The following NCALD variants were observed in gnomAD, a reference collection of about 807,000 sequenced individuals.
NCALD encodes neurocalcin delta.
NCALD carries 10 observed loss-of-function variants against 18.6 expected under a neutral mutation model. The observed-to-expected ratio is 0.54, with a 90% CI of 0.33 to 0.91. The LOEUF is 0.91. NCALD is among the 40% of genes least tolerant of loss of function. The pLI, the probability that NCALD is intolerant of heterozygous loss-of-function variation, is 0.03. For synonymous variants in NCALD, 88 were observed against 87.4 expected, an observed-to-expected ratio of 1.01 and a Z score of -0.04; for missense variants, 184 against 247.6, an observed-to-expected ratio of 0.74 and a Z score of 1.72.
intron 3 of NCALD, among the ~76,000 whole-genome samples, chr8:101,893,890 C>T (rs527862643): frequency 8.9e-5 from 13 of 146,478 alleles, no homozygotes; most frequent in African/African-American, 2.7e-4. Context: ...TACAAAGAGA[C>T]GTAGACTCCC....
At chr8:102,102,382 C>T (rs959264906) in intron 1 of NCALD, among the ~76,000 whole-genome samples, 1 of 152,224 alleles carries the variant, frequency 6.6e-6, no homozygotes, top group Non-Finnish European at 1.5e-5. Context: ...TTGAGTTCCA[C>T]AGGGAGGAAA....
intron 2 of NCALD, among the ~76,000 whole-genome samples, chr8:101,964,958 T>C (rs1226936952): frequency 6.6e-6 from 1 of 152,038 alleles, no homozygotes; most frequent in African/African-American, 2.4e-5. Context: ...GCGAAGGATA[T>C]GAACAGACAC....
chr8:101,809,105 C>T (rs560393943), intron 4 of NCALD, among the ~76,000 whole-genome samples: 23 of 152,122 alleles, frequency 1.5e-4, no homozygotes, highest in Non-Finnish European at 2.6e-4. Context: ...GAAGTGCGTT[C>T]TAAAAGCATT....
At chr8:101,900,610 T>C (rs1817384794) in intron 3 of NCALD, among the ~76,000 whole-genome samples, 1 of 152,030 alleles carries the variant, frequency 6.6e-6, no homozygotes, top group Admixed American at 6.5e-5. Flanking sequence ...CTTTTTGACC[T>C]ACAGATTCTA....
chr8:101,996,179 C>T (rs1005483331), intron 2 of NCALD, among the ~76,000 whole-genome samples: 4 of 152,214 alleles, frequency 2.6e-5, no homozygotes, highest in Non-Finnish European at 5.9e-5. Context: ...TTTCATAACT[C>T]AGGAGACCTG....
At chr8:101,988,397 T>C (rs1480654035) in intron 2 of NCALD, among the ~76,000 whole-genome samples, 3 of 152,182 alleles carry the variant, frequency 2.0e-5, no homozygotes, top group South Asian at 2.1e-4. Flanking sequence ...ACCCAGACTT[T>C]AGAGCCAGAT....
At chr8:101,691,862 GTTGACAAGAATTGC>G in intron 3 of NCALD, 1 of 985,428 alleles carries the variant, frequency 1.0e-6, no homozygotes, top group African/African-American at 1.7e-5. Context: ...TGTGCACATG[GTTGACAAGAATTGC>G]CGAGGCCTCT....
At chr8:101,907,385 G>C (rs142272294) in intron 3 of NCALD, among the ~76,000 whole-genome samples, 1 of 152,036 alleles carries the variant, frequency 6.6e-6, no homozygotes, top group South Asian at 2.1e-4. Flanking sequence ...AGAAACTCTT[G>C]TGCCATACTC....
At chr8:101,696,930 G>A (rs1235709697) in intron 2 of NCALD, among the ~76,000 whole-genome samples, 2 of 152,030 alleles carry the variant, frequency 1.3e-5, no homozygotes, top group Non-Finnish European at 2.9e-5. Context: ...GCTAGCAGAA[G>A]AGAAGAAATA....
rs1158796917 is a variant in NCALD at position 101,905,489 on chromosome 8, CTTTCCTTCCA to C, written c.-107+10310_-107+10319del. ...CTAACCAACATTCTCTCAGATATGT[CTTTCCTTCCA>C]TTTCCATAGATGCCACTGACTTGAG... On this transcript the variant is annotated intron_variant, in intron 3 of 6. Coordinates refer to the NCALD transcript ENST00000311028. 2.0e-5 allele frequency among the ~76,000 whole-genome samples: 3 copies of C among 152,154 alleles called. No homozygotes were observed. In the South Asian group the frequency reaches 6.2e-4, roughly 32 times the overall value.
chr8:102,100,864 G>T (rs543564640), intron 1 of NCALD, among the ~76,000 whole-genome samples: 24 of 152,270 alleles, frequency 1.6e-4, no homozygotes, highest in Admixed American at 2.6e-4. Context: ...AATTCATAGA[G>T]CAGAACGGTG....
At chr8:101,739,946 G>C (rs1810114941) in intron 1 of NCALD, among the ~76,000 whole-genome samples, 1 of 152,136 alleles carries the variant, frequency 6.6e-6, no homozygotes, top group Non-Finnish European at 1.5e-5. Context: ...CTGCTAAAAT[G>C]GAGGCTTCAT....
chr8:101,922,364 A>T (rs1818197278), intron 2 of NCALD, among the ~76,000 whole-genome samples: 1 of 152,090 alleles, frequency 6.6e-6, no homozygotes, highest in Admixed American at 6.5e-5. Flanking sequence ...AGAGAAGAAG[A>T]ATTCTGTCTA....
chr8:101,949,505 T>C (rs1042590213), intron 2 of NCALD, among the ~76,000 whole-genome samples: 4 of 151,954 alleles, frequency 2.6e-5, no homozygotes, highest in African/African-American at 9.7e-5. Flanking sequence ...AGGCTGTGGG[T>C]CAAACGACAT....
chr8:102,026,495 C>A (rs569554982), intron 1 of NCALD, among the ~76,000 whole-genome samples: 76 of 152,332 alleles, frequency 5.0e-4, no homozygotes, highest in Non-Finnish European at 9.4e-4. Flanking sequence ...AAAATAATCT[C>A]CCTTGACTCC....
intron 1 of NCALD, among the ~76,000 whole-genome samples, chr8:101,762,717 G>A (rs1160479447): frequency 6.6e-6 from 1 of 151,934 alleles, no homozygotes; most frequent in African/African-American, 2.4e-5. Flanking sequence ...GGGGTTATAG[G>A]CGCTTGCCAC....
At chr8:101,911,676 T>C (rs1343233601) in intron 3 of NCALD, among the ~76,000 whole-genome samples, 2 of 152,170 alleles carry the variant, frequency 1.3e-5, no homozygotes, top group African/African-American at 4.8e-5. Flanking sequence ...AGTTTCTTAA[T>C]TAAATTACTG....
Position 101,688,899 on chromosome 8 carries a change from GACA to G in NCALD, c.*407_*409del. On this transcript the variant is annotated 3_prime_UTR_variant, in exon 4 of 4. Coordinates refer to ENST00000220931, the MANE Select transcript of NCALD (RefSeq NM_032041.3). ...CATCCATCACCCCTACGGCACGTGT[GACA>G]ACAGATTCAGGTGGGGAGTTTTGTC... The G allele has an allele frequency of 1.6e-6, 1 of 626,288 alleles. No individual in the cohort carries two copies. The highest frequency in any genetic ancestry group is 2.8e-6 in the Non-Finnish European group (1 of 352,206). The allele number at this position is 626,288 out of a possible 1,614,324, so 38.8% of individuals were successfully genotyped here. A position where few individuals can be genotyped will look rare whatever the true frequency, so the allele number is the denominator to read the frequency against.
rs1456546576 is a variant in NCALD at position 101,943,999 on chromosome 8, CAG to C, written c.-156-28143_-156-28142del. Among the ~76,000 whole-genome samples, 9 of 151,906 alleles carry C rather than the reference CAG, an allele frequency of 5.9e-5. No homozygotes were observed. In the East Asian group the frequency reaches 1.5e-3, roughly 26 times the overall value. ...ACAAACAAAAAAAAACAGAAAAAAACAGGGGCAACTTGTCCTGCTTACTCTAA... is the reference window on the plus strand; with the variant it reads ...ACAAACAAAAAAAAACAGAAAAAAACGGGCAACTTGTCCTGCTTACTCTAA... On this transcript the variant is annotated intron_variant, in intron 2 of 6. Coordinates refer to the NCALD transcript ENST00000311028.
Sources: allele counts gnomAD v4.1 joint callset (sites outside exome capture counted in the v4.1 genomes callset), GRCh38; gene constraint gnomAD v4.1.1; transcripts MANE v1.5; gene names NCBI Gene and HGNC (gene_info 2026-07-23, HGNC 2026-07-21).